ZNF676: variants seen among roughly 807,000 people sequenced by gnomAD.
ZNF676 encodes zinc finger protein 676.
A neutral mutation model predicts 6.0 loss-of-function variants in ZNF676; 4 were observed. The ratio of observed to expected loss-of-function variants is 0.67; its 90% CI spans 0.33 to 1.53. The LOEUF is 1.53. Among genes scored for constraint, ZNF676 ranks in the 40% most tolerant of loss-of-function variants. The pLI is 0.06. For synonymous variants in ZNF676, 198 were observed against 223.1 expected, an observed-to-expected ratio of 0.89 and a Z score of 1.00; for missense variants, 644 against 679.7, an observed-to-expected ratio of 0.95 and a Z score of 0.58.
Position 22,208,659 on chromosome 19 carries a change from G to A in ZNF676, c.3+6973C>T, listed in dbSNP as rs180742806. ...ATGGTAGACTGGATACAGAAAATAC[G>A]GTATGGTTGGGCATGATGGCACATG... On this transcript the variant is annotated intron_variant, in intron 1 of 3. Coordinates refer to the ZNF676 transcript ENST00000650058. 1.5e-3 allele frequency among the ~76,000 whole-genome samples: 224 copies of A among 152,286 alleles called. 1 individual carries two copies. Among genetic ancestry groups the A allele is most frequent in the Non-Finnish European group, 1.7e-3 (113 of 68,034 alleles).
rs1432708332 is a variant in ZNF676, at chr19:22,181,486, C to A, written c.231G>T (p.Glu77Asp). Residue 77 changes from glutamate (E) to aspartate (D), a missense_variant, in exon 3 of 3, where the codon GAG becomes GAT. By Grantham distance (45) the Glu-to-Asp change is conservative (BLOSUM62 2). Around this residue, in one of 5 missense-constraint regions of ZNF676, gnomAD observed 280 missense variants for 269.3 expected, o/e 1.04. Coordinates refer to ENST00000397121, the MANE Select transcript of ZNF676 (RefSeq NM_001001411.3). Reference sequence around the variant, plus strand: ...TACAACTAATTTTTAAGTGTAAATTCTCATGTCCACATTTGTCATATCTTC... The same window carrying A: ...TACAACTAATTTTTAAGTGTAAATTATCATGTCCACATTTGTCATATCTTC... The part of the protein sequence containing the change: ...ILRRYDKCGH[E>D]NLHLKISCTN... 1.2e-6 allele frequency: 2 copies of A among 1,613,496 alleles called. No individual in the cohort carries two copies. Among genetic ancestry groups the A allele is most frequent in the Admixed American group, 1.7e-5 (1 of 59,964 alleles).
At chr19:22,208,988 G>A (rs1470911461) in intron 1 of ZNF676, among the ~76,000 whole-genome samples, 2 of 151,804 alleles carry the variant, frequency 1.3e-5, no homozygotes, top group Admixed American at 6.6e-5. Context: ...AATATGGGCC[G>A]GGTGCAGTGG....
the ZNF676 span, among the ~76,000 whole-genome samples, chr19:22,254,046 A>G: frequency 1.1e-4 from 17 of 152,322 alleles, no homozygotes; most frequent in African/African-American, 4.1e-4. Context: ...TGGACAAAAT[A>G]TATGTCACAA....
chr19:22,218,452 C>G (rs1048328460), upstream of ZNF676, among the ~76,000 whole-genome samples: 1 of 151,950 alleles, frequency 6.6e-6, no homozygotes, highest in Non-Finnish European at 1.5e-5. Context: ...TCTGCCTCAG[C>G]CTCCCAAGTA....
chr19:22,193,249 G>T, intron 1 of ZNF676, 138 bp from the exon 2 acceptor site: 1 of 1,043,132 alleles, frequency 9.6e-7, no homozygotes. Context: ...CATGTCTGTT[G>T]AAGAAAAACG....
At chr19:22,222,150 G>A in the ZNF676 span, among the ~76,000 whole-genome samples, 1 of 152,042 alleles carries the variant, frequency 6.6e-6, no homozygotes, top group African/African-American at 2.4e-5. Flanking sequence ...TGTCGCCCAA[G>A]CTGGAGTGCA....
chr19:22,245,084 G>A, the ZNF676 span: 21 of 152,262 alleles, frequency 1.4e-4, no homozygotes, highest in Non-Finnish European at 2.4e-4. Context: ...ACAATTTCTC[G>A]TTTGTCAGAG....
chr19:22,255,196 G>C, the ZNF676 span, among the ~76,000 whole-genome samples: 5 of 152,138 alleles, frequency 3.3e-5, no homozygotes, highest in Non-Finnish European at 7.3e-5. Context: ...CCCATCTGTG[G>C]ACAAGATCCA....
rs987980611 is a variant in ZNF676, at chr19:22,181,516, T to C, written c.201A>G (p.Ile67Met). ...GTCCACATTTGTCATATCTTCTCAA[T>C]ATCATTTTTTGGAAAGAATCTTCTA... ...QGIEDSFQKM[I>M]LRRYDKCGHE... is the part of the protein sequence containing the mutation. The change falls in exon 3 of 3, where the codon ATA becomes ATG. Residue 67 changes from isoleucine to methionine, a missense_variant. Ile to Met is a conservative substitution (Grantham distance 10). Transcript: ENST00000397121. 8 of 1,611,566 alleles carry C rather than the reference T, an allele frequency of 5.0e-6. No homozygotes were observed. The highest frequency in any genetic ancestry group is 1.3e-5 in the African/African-American group (1 of 74,838).
chr19:22,236,541 A>G, the ZNF676 span, among the ~76,000 whole-genome samples: 1 of 152,094 alleles, frequency 6.6e-6, no homozygotes, highest in African/African-American at 2.4e-5. Context: ...CTCCTTGGGG[A>G]AAGATGGGAG....
upstream of ZNF676, among the ~76,000 whole-genome samples, chr19:22,218,255 G>A (rs1235743310): frequency 6.6e-6 from 1 of 152,150 alleles, no homozygotes; most frequent in African/African-American, 2.4e-5. Context: ...TAGAATTCGG[G>A]TAGTTTCAGG....
At chr19:22,231,910 T>C in the ZNF676 span, among the ~76,000 whole-genome samples, 1 of 152,086 alleles carries the variant, frequency 6.6e-6, no homozygotes, top group Non-Finnish European at 1.5e-5. Flanking sequence ...TTGAGCTCTA[T>C]CTTAAGTCAA....
chr19:22,233,294 C>T, the ZNF676 span, among the ~76,000 whole-genome samples: 314 of 151,848 alleles, frequency 2.1e-3, 2 homozygotes, highest in African/African-American at 6.8e-3. Context: ...CAGGTGTGAG[C>T]CATCTCACCC....
At chr19:22,245,532 G>A in the ZNF676 span, among the ~76,000 whole-genome samples, 1 of 137,926 alleles carries the variant, frequency 7.3e-6, no homozygotes, top group Non-Finnish European at 1.5e-5. Context: ...AATAGGCAGA[G>A]TACAAGCAGG....
At chr19:22,183,705 G>A (rs2023793188) in intron 2 of ZNF676, among the ~76,000 whole-genome samples, 1 of 152,168 alleles carries the variant, frequency 6.6e-6, no homozygotes, top group Admixed American at 6.5e-5. Flanking sequence ...GAAATCTAAT[G>A]TTAAAAAGAC....
At chr19:22,249,262 GT>G in the ZNF676 span, among the ~76,000 whole-genome samples, 1 of 152,142 alleles carries the variant, frequency 6.6e-6, no homozygotes, top group African/African-American at 2.4e-5. Context: ...TTTTGGCCTA[GT>G]TTAGAGGGCT....
chr19:22,204,519 A>G (rs796330800), intron 1 of ZNF676, among the ~76,000 whole-genome samples: 14 of 152,336 alleles, frequency 9.2e-5, no homozygotes, highest in African/African-American at 2.9e-4. Context: ...GTACTGAAGC[A>G]ACCCAAGTAC....
At chr19:22,249,382 G>T in the ZNF676 span, among the ~76,000 whole-genome samples, 1 of 152,130 alleles carries the variant, frequency 6.6e-6, no homozygotes, top group Non-Finnish European at 1.5e-5. Flanking sequence ...ATTGGCTAAA[G>T]TTAAAGAGAT....
intron 2 of ZNF676, among the ~76,000 whole-genome samples, chr19:22,182,739 A>C (rs1395314651): frequency 2.6e-5 from 4 of 151,652 alleles, no homozygotes; most frequent in Admixed American, 6.6e-5. Flanking sequence ...TACGTCTTCC[A>C]TAGGAAAGAT....
Sources: gnomAD v4.1 joint callset for allele counts (sites outside exome capture counted in the v4.1 genomes callset) on GRCh38, gnomAD v4.1.1 for gene constraint, gnomAD v4.1.1 regional missense constraint, MANE v1.5 for transcripts, NCBI Gene and HGNC (gene_info 2026-07-23, HGNC 2026-07-21) for gene names.